Variants in NKAIN2 observed in about 807,000 individuals in gnomAD.
The protein encoded by NKAIN2 is sodium/potassium-transporting ATPase subunit beta-1-interacting protein 2.
NKAIN2 carries 14 observed loss-of-function variants against 32.6 expected under a neutral mutation model. The ratio of observed to expected loss-of-function variants is 0.43; its 90% CI spans 0.28 to 0.67. The LOEUF (loss-of-function observed/expected upper bound fraction) is 0.67. Ranked by LOEUF, NKAIN2 falls within the 30% of genes least tolerant of loss-of-function variation. The probability of loss-of-function intolerance (pLI) is 0.17; values close to 1 mark genes in which losing one functional copy is unlikely to be tolerated. For synonymous variants in NKAIN2, 80 were observed against 87.2 expected, an observed-to-expected ratio of 0.92 and a Z score of 0.46; for missense variants, 198 against 258.3, an observed-to-expected ratio of 0.77 and a Z score of 1.60.
At chr6:124,286,297 A>G (rs1271706799) in intron 2 of NKAIN2, among the ~76,000 whole-genome samples, 1 of 152,118 alleles carries the variant, frequency 6.6e-6, no homozygotes, top group Non-Finnish European at 1.5e-5. Flanking sequence ...ATTATATTAA[A>G]TAATTCCCTA....
rs577726643 is a variant in NKAIN2, at chr6:123,886,169, A to G, written c.54+81915A>G. Among the ~76,000 whole-genome samples, 266 of 152,244 alleles carry G rather than the reference A, an allele frequency of 1.7e-3. 1 individual carries two copies. The highest frequency in any genetic ancestry group is 6.2e-3 in the African/African-American group (258 of 41,586). On this transcript the variant is annotated intron_variant, in intron 1 of 6. Transcript: ENST00000368417. The stretch of plus-strand genomic sequence containing the variant: ...GATTCACTGGTGAAAGTAAATGTAC[A>G]CACAACCTTTCAAGTTGATAGTTTG...
At chr6:124,509,806 G>C (rs909729652) in intron 3 of NKAIN2, among the ~76,000 whole-genome samples, 71 of 152,268 alleles carry the variant, frequency 4.7e-4, no homozygotes, top group African/African-American at 1.7e-3. Flanking sequence ...AATTCTAAGA[G>C]GCAGCATATT....
At chr6:123,857,810 G>A (rs1388749597) in intron 1 of NKAIN2, among the ~76,000 whole-genome samples, 1 of 151,948 alleles carries the variant, frequency 6.6e-6, no homozygotes, top group Non-Finnish European at 1.5e-5. Context: ...GAAGATCAAA[G>A]CTTATGCTTT....
At chr6:123,815,094 T>A (rs796598550) in intron 1 of NKAIN2, among the ~76,000 whole-genome samples, 2 of 152,168 alleles carry the variant, frequency 1.3e-5, no homozygotes, top group African/African-American at 4.8e-5. Flanking sequence ...TAGGATATGA[T>A]GTAACTGAAA....
chr6:124,685,905 A>C (rs920586592), intron 4 of NKAIN2, among the ~76,000 whole-genome samples: 2 of 152,214 alleles, frequency 1.3e-5, no homozygotes, highest in Non-Finnish European at 2.9e-5. Context: ...TCTATGGAAA[A>C]GAATTTCAAG....
At chr6:124,614,876 T>A (rs1408419586) in intron 3 of NKAIN2, among the ~76,000 whole-genome samples, 1 of 152,212 alleles carries the variant, frequency 6.6e-6, no homozygotes, top group Non-Finnish European at 1.5e-5. Context: ...AAGAATAACA[T>A]CATTTTATCA....
At chr6:124,791,801 A>G (rs62431164) in intron 5 of NKAIN2, among the ~76,000 whole-genome samples, 20,580 of 152,126 alleles carry the variant, frequency 0.14, 1,761 homozygotes, top group South Asian at 0.22. Context: ...CCCCAAAATC[A>G]ACAATTTGTA....
intron 1 of NKAIN2, among the ~76,000 whole-genome samples, chr6:123,906,480 A>T (rs535905805): frequency 6.7e-6 from 1 of 150,190 alleles, no homozygotes; most frequent in South Asian, 2.1e-4. Flanking sequence ...TTTTGTAGAG[A>T]CAGGGTTTCT....
intron 1 of NKAIN2, among the ~76,000 whole-genome samples, chr6:124,142,668 A>G (rs868446257): frequency 2.6e-5 from 4 of 152,310 alleles, no homozygotes; most frequent in Middle Eastern, 3.4e-3. Flanking sequence ...TTTAGATTTT[A>G]CGGTCCATAT....
intron 3 of NKAIN2, among the ~76,000 whole-genome samples, chr6:124,430,985 T>C (rs1775194890): frequency 6.6e-6 from 1 of 152,216 alleles, no homozygotes; most frequent in African/African-American, 2.4e-5. Flanking sequence ...CTTGCTAATA[T>C]GCATGACCTC....
intron 2 of NKAIN2, among the ~76,000 whole-genome samples, chr6:124,308,797 C>T (rs1796611262): frequency 6.6e-6 from 1 of 152,012 alleles, no homozygotes; most frequent in African/African-American, 2.4e-5. Context: ...ACATCTAAAC[C>T]CATTCATAGT....
chr6:124,773,390 A>C (rs1226152392), intron 4 of NKAIN2, among the ~76,000 whole-genome samples: 1 of 152,090 alleles, frequency 6.6e-6, no homozygotes, highest in African/African-American at 2.4e-5. Flanking sequence ...CTGCGGGGAA[A>C]GGAATGGTAG....
At chr6:124,127,577 T>C (rs1232891823) in intron 1 of NKAIN2, among the ~76,000 whole-genome samples, 1 of 152,150 alleles carries the variant, frequency 6.6e-6, no homozygotes, top group Non-Finnish European at 1.5e-5. Flanking sequence ...TATTTTAGGA[T>C]GGAGGAAAAA....
chr6:124,101,976 G>A (rs1439385864), intron 1 of NKAIN2, among the ~76,000 whole-genome samples: 1 of 152,154 alleles, frequency 6.6e-6, no homozygotes, highest in East Asian at 1.9e-4. Flanking sequence ...CCAAGATACT[G>A]GAGCAGGCAG....
At chr6:124,738,986 A>G (rs1200142807) in intron 4 of NKAIN2, among the ~76,000 whole-genome samples, 8 of 151,934 alleles carry the variant, frequency 5.3e-5, no homozygotes, top group Non-Finnish European at 1.0e-4. Flanking sequence ...TAATTCTGCT[A>G]TAAGTGTGTT....
intron 3 of NKAIN2, among the ~76,000 whole-genome samples, chr6:124,634,899 G>A (rs1029570749): frequency 1.3e-5 from 2 of 151,712 alleles, no homozygotes; most frequent in Non-Finnish European, 2.9e-5. Flanking sequence ...ACTAACAGGA[G>A]ATCTTTTAGC....
At chr6:124,516,388 T>C (rs909909980) in intron 3 of NKAIN2, among the ~76,000 whole-genome samples, 1 of 152,230 alleles carries the variant, frequency 6.6e-6, no homozygotes, top group South Asian at 2.1e-4. Flanking sequence ...TTTGTGTTAT[T>C]TTTTTTCAGT....
intron 2 of NKAIN2, among the ~76,000 whole-genome samples, chr6:124,327,183 A>G (rs1367811843): frequency 6.6e-6 from 1 of 151,798 alleles, no homozygotes; most frequent in Non-Finnish European, 1.5e-5. Flanking sequence ...CTGGAAACAT[A>G]TTTTTCTTTT....
At chr6:124,588,045 C>T (rs1323951754) in intron 3 of NKAIN2, among the ~76,000 whole-genome samples, 2 of 152,118 alleles carry the variant, frequency 1.3e-5, no homozygotes, top group Non-Finnish European at 2.9e-5. Context: ...ACTGCTTATA[C>T]ATGTTCTAAA....
Sources: allele counts gnomAD v4.1 joint callset (sites outside exome capture counted in the v4.1 genomes callset), GRCh38; gene constraint gnomAD v4.1.1; transcripts MANE v1.5; gene names NCBI Gene and HGNC (gene_info 2026-07-23, HGNC 2026-07-21).